The following GRIK2 variants were observed in gnomAD, a reference collection of about 807,000 sequenced individuals.
GRIK2 encodes the protein glutamate receptor ionotropic, kainate 2.
GRIK2 carries 32 observed loss-of-function variants against 100.3 expected under a neutral mutation model. That is an observed-to-expected ratio of 0.32 (90% CI 0.24 to 0.43). The LOEUF (loss-of-function observed/expected upper bound fraction) is 0.43, where lower values mean the gene tolerates loss of function less well. Ranked by LOEUF, GRIK2 falls within the 20% of genes least tolerant of loss-of-function variation. The pLI is 1.00. For synonymous variants in GRIK2, 417 were observed against 389.4 expected, an observed-to-expected ratio of 1.07 and a Z score of -0.83; for missense variants, 843 against 1,114.9, an observed-to-expected ratio of 0.76 and a Z score of 3.47.
intron 2 of GRIK2, among the ~76,000 whole-genome samples, chr6:101,429,347 C>T (rs1769243844): frequency 1.3e-5 from 2 of 152,178 alleles, no homozygotes; most frequent in South Asian, 4.1e-4. Flanking sequence ...GTTTCATTAA[C>T]ACTTAACTAG....
chr6:101,602,974 T>C (rs531542909), intron 2 of GRIK2, among the ~76,000 whole-genome samples: 2 of 151,752 alleles, frequency 1.3e-5, no homozygotes, highest in Non-Finnish European at 3.0e-5. Flanking sequence ...TACTTTCTTA[T>C]AGCAGGGTCT....
rs368152889 is a variant in GRIK2 at position 101,483,236 on chromosome 6, C to G, written c.115+83844C>G. Among the ~76,000 whole-genome samples the G allele has an allele frequency of 6.0e-4, 91 of 152,258 alleles. 1 individual carries two copies. The East Asian group carries it at 0.013, about 22-fold the overall frequency. On this transcript the variant is annotated intron_variant, in intron 2 of 16. Transcript: ENST00000369134. Reference sequence around the variant, plus strand: ...GTATTCAATAACTTATGGAATTCTACTCTCTGAAACCTATCTTCAGAATTT... The same window carrying G: ...GTATTCAATAACTTATGGAATTCTAGTCTCTGAAACCTATCTTCAGAATTT...
chr6:101,686,453 ATTGT>A (rs1771707959), intron 7 of GRIK2, 100 bp downstream of exon 7: 3 of 817,478 alleles, frequency 3.7e-6, no homozygotes, highest in Non-Finnish European at 5.8e-6. Flanking sequence ...CTTCAGTTTA[ATTGT>A]TTGACATTAA....
intron 4 of GRIK2, among the ~76,000 whole-genome samples, chr6:101,656,309 A>C (rs532063045): frequency 2.0e-5 from 3 of 151,970 alleles, no homozygotes; most frequent in Non-Finnish European, 2.9e-5. Flanking sequence ...ATCCAAAAAA[A>C]AAAAAAAGAA....
intron 14 of GRIK2, among the ~76,000 whole-genome samples, chr6:101,997,433 TTAAATGTA>T (rs1794709362): frequency 6.6e-6 from 1 of 152,078 alleles, no homozygotes; most frequent in Non-Finnish European, 1.5e-5. Context: ...TTTTTAAATT[TTAAATGTA>T]TATATTTGTT....
At chr6:101,868,563 G>C (rs1244896903) in intron 11 of GRIK2, among the ~76,000 whole-genome samples, 1 of 151,142 alleles carries the variant, frequency 6.6e-6, no homozygotes, top group Non-Finnish European at 1.5e-5. Flanking sequence ...ACTGAAAACA[G>C]ATATAAAAAA....
At chr6:101,408,858 T>C (rs757619978) in intron 2 of GRIK2, among the ~76,000 whole-genome samples, 28 of 152,032 alleles carry the variant, frequency 1.8e-4, no homozygotes, top group African/African-American at 5.5e-4. Context: ...AGTTGACATA[T>C]AAAATTAAAC....
chr6:101,636,105 C>T (rs979578362), intron 4 of GRIK2, among the ~76,000 whole-genome samples: 2 of 152,032 alleles, frequency 1.3e-5, no homozygotes, highest in Admixed American at 1.3e-4. Flanking sequence ...AACCCAAATG[C>T]CCATCAATAA....
chr6:101,678,791 G>A (rs1403683230), intron 5 of GRIK2, among the ~76,000 whole-genome samples: 1 of 152,202 alleles, frequency 6.6e-6, no homozygotes, highest in Non-Finnish European at 1.5e-5. Context: ...GGACTATGCA[G>A]AAAAATAAAT....
chr6:101,743,772 A>C (rs1332577567), intron 7 of GRIK2, among the ~76,000 whole-genome samples: 2 of 152,120 alleles, frequency 1.3e-5, no homozygotes, highest in African/African-American at 4.8e-5. Context: ...TACTTAAAGC[A>C]AGTGTTAGGT....
intron 12 of GRIK2, among the ~76,000 whole-genome samples, chr6:101,898,783 T>G (rs781034937): frequency 3.3e-5 from 5 of 151,932 alleles, no homozygotes; most frequent in Non-Finnish European, 5.9e-5. Context: ...CAAGTGGTAT[T>G]AGTATTGTTT....
chr6:101,528,990 C>G (rs1308223929), intron 2 of GRIK2, among the ~76,000 whole-genome samples: 1 of 150,868 alleles, frequency 6.6e-6, no homozygotes, highest in African/African-American at 2.4e-5. Context: ...AATATCTTCT[C>G]TTAAAGGCAA....
rs532703587 is a variant in GRIK2 at position 101,598,628 on chromosome 6, A to T, written c.116-23321A>T. Among the ~76,000 whole-genome samples, 301 of 149,722 alleles carry T rather than the reference A, an allele frequency of 2.0e-3. 3 individuals carry two copies. Among genetic ancestry groups the T allele is most frequent in the African/African-American group, 6.4e-3 (262 of 40,818 alleles). On this transcript the variant is annotated intron_variant, in intron 2 of 16. Coordinates refer to ENST00000369134, the MANE Select transcript of GRIK2 (RefSeq NM_021956.5). ...AAAAAAAAAGAAAGAAAAAAAATTT[A>T]AAAAAAAGGAAAAGGAAAACCAAAA...
chr6:101,915,127 T>A (rs1288826577), intron 12 of GRIK2, among the ~76,000 whole-genome samples: 1 of 151,466 alleles, frequency 6.6e-6, no homozygotes, highest in Non-Finnish European at 1.5e-5. Context: ...GAAAAAATGA[T>A]ACGGGCTGTG....
chr6:101,748,540 T>C (rs1034078158), intron 7 of GRIK2, among the ~76,000 whole-genome samples: 3 of 152,080 alleles, frequency 2.0e-5, no homozygotes, highest in African/African-American at 7.2e-5. Context: ...ATTTAGGTAG[T>C]ATTTAATTCA....
At chr6:101,738,348 CTCTT>C (rs879256574) in intron 7 of GRIK2, among the ~76,000 whole-genome samples, 3 of 151,384 alleles carry the variant, frequency 2.0e-5, no homozygotes, top group Admixed American at 1.3e-4. Context: ...AATAATCTCT[CTCTT>C]TAATTCTTTT....
intron 14 of GRIK2, among the ~76,000 whole-genome samples, chr6:102,002,750 A>C (rs1156617705): frequency 2.0e-5 from 3 of 150,898 alleles, no homozygotes; most frequent in African/African-American, 7.2e-5. Flanking sequence ...AACAATGATA[A>C]AAAAAACTCT....
At chr6:101,471,435 GCT>G (rs1486924101) in intron 2 of GRIK2, among the ~76,000 whole-genome samples, 1 of 151,934 alleles carries the variant, frequency 6.6e-6, no homozygotes, top group East Asian at 1.9e-4. Flanking sequence ...CTTTCATGCA[GCT>G]CTGTTAAAGG....
intron 7 of GRIK2, among the ~76,000 whole-genome samples, chr6:101,753,881 T>G (rs1443697126): frequency 1.3e-5 from 2 of 152,044 alleles, no homozygotes; most frequent in Non-Finnish European, 2.9e-5. Flanking sequence ...TACAATAATT[T>G]GTTAATTAAA....
Sources: allele counts gnomAD v4.1 joint callset (sites outside exome capture counted in the v4.1 genomes callset), GRCh38; gene constraint gnomAD v4.1.1; transcripts MANE v1.5; gene names NCBI Gene and HGNC (gene_info 2026-07-23, HGNC 2026-07-21).